The following SERPINB8 variants were observed in gnomAD, a reference collection of about 807,000 sequenced individuals.
SERPINB8 encodes serpin B8.
SERPINB8 carries 25 observed loss-of-function variants against 35.3 expected under a neutral mutation model. The observed-to-expected ratio is 0.71, with a 90% confidence interval of 0.52 to 0.99. The LOEUF (loss-of-function observed/expected upper bound fraction) is 0.99, where lower values mean the gene tolerates loss of function less well. Ranked by LOEUF, SERPINB8 falls within the 50% of genes least tolerant of loss-of-function variation. The pLI, the probability that SERPINB8 is intolerant of heterozygous loss-of-function variation, is 0.00. For synonymous variants in SERPINB8, 186 were observed against 160.8 expected, an observed-to-expected ratio of 1.16 and a Z score of -1.19; for missense variants, 484 against 446.5, an observed-to-expected ratio of 1.08 and a Z score of -0.76.
At chr18:64,004,619 A>C (rs140102354) in intron 1 of SERPINB8, among the ~76,000 whole-genome samples, 33 of 152,310 alleles carry the variant, frequency 2.2e-4, no homozygotes, top group Admixed American at 5.9e-4. Flanking sequence ...GTATATTTTA[A>C]TATTTCAGAA....
At chr18:63,999,124 GATCT>G (rs2050862963) in intron 1 of SERPINB8, among the ~76,000 whole-genome samples, 1 of 152,108 alleles carries the variant, frequency 6.6e-6, no homozygotes, top group African/African-American at 2.4e-5. Context: ...CAAGAAGTGG[GATCT>G]AACCTCTCTC....
At chr18:63,975,758 AAAATATCTTAGGAGGAAGCG>A (rs1330309792) in intron 1 of SERPINB8, among the ~76,000 whole-genome samples, 2 of 152,222 alleles carry the variant, frequency 1.3e-5, no homozygotes, top group African/African-American at 4.8e-5. Context: ...CTTCTGTTGA[AAAATATCTTAGGAGGAAGCG>A]AAATATCTTA....
At chr18:63,992,274 T>C (rs1474276430), downstream of SERPINB8, among the ~76,000 whole-genome samples, 1 of 152,256 alleles carries the variant, frequency 6.6e-6, no homozygotes, top group Non-Finnish European at 1.5e-5. Context: ...ATTGCAACTC[T>C]ATTTTCATTA....
chr18:64,015,340 G>A (rs1239645721), intron 7 of SERPINB8, among the ~76,000 whole-genome samples: 2 of 152,128 alleles, frequency 1.3e-5, no homozygotes, highest in East Asian at 1.9e-4. Flanking sequence ...TAACAATTCC[G>A]AAGTCACTAA....
At chr18:64,006,985 G>A (rs945047778), downstream of SERPINB8, among the ~76,000 whole-genome samples, 17 of 151,704 alleles carry the variant, frequency 1.1e-4, no homozygotes, top group African/African-American at 3.9e-4. Flanking sequence ...AATAAAAGAA[G>A]ATACTTATGA....
intron 1 of SERPINB8, among the ~76,000 whole-genome samples, chr18:63,996,574 T>A (rs1286696843): frequency 6.6e-6 from 1 of 152,210 alleles, no homozygotes; most frequent in African/African-American, 2.4e-5. Context: ...ATGAATAGGT[T>A]ATGCTCTGGG....
chr18:64,011,266 T>A (rs1446557418), intron 7 of SERPINB8, among the ~76,000 whole-genome samples: 1 of 151,950 alleles, frequency 6.6e-6, no homozygotes, highest in African/African-American at 2.4e-5. Flanking sequence ...ATGTATCAAG[T>A]AAATTTAAAC....
intron 7 of SERPINB8, among the ~76,000 whole-genome samples, chr18:64,011,620 G>T (rs1365143353): frequency 6.6e-6 from 1 of 152,110 alleles, no homozygotes; most frequent in East Asian, 1.9e-4. Context: ...TCATGTTGGT[G>T]CTGTATTTGT....
rs755147686 is a variant in SERPINB8 at position 63,970,148 on chromosome 18, G to GGCGGCA, written c.-31_-30insGGCAGC. On this transcript the variant is annotated 5_prime_UTR_variant, in exon 1 of 7. Transcript: ENST00000397985. ...AAGCAGCAGCGGCGGCGGCGGCGGCGGCAGCAGCAGCAGCAGCAGGAGGTG... is the reference window on the plus strand; with the variant it reads ...AAGCAGCAGCGGCGGCGGCGGCGGCGGCGGCAGCAGCAGCAGCAGCAGCAGGAGGTG... The GGCGGCA allele has an allele frequency of 2.0e-4, 73 of 358,784 alleles. No homozygotes were observed. Among genetic ancestry groups the GGCGGCA allele is most frequent in the African/African-American group, 1.2e-3 (54 of 44,848 alleles). The allele number at this position is 358,784 out of a possible 1,614,324, so 22.2% of individuals were successfully genotyped here. A position where few individuals can be genotyped will look rare whatever the true frequency, so the allele number is the denominator to read the frequency against.
chr18:64,009,683 C>T (rs905205627), downstream of SERPINB8, among the ~76,000 whole-genome samples: 6 of 152,258 alleles, frequency 3.9e-5, no homozygotes, highest in South Asian at 6.2e-4. Context: ...CCATTTATGC[C>T]GGAAGCTGCA....
chr18:63,971,891 T>C (rs889303059), intron 1 of SERPINB8, among the ~76,000 whole-genome samples: 5 of 152,082 alleles, frequency 3.3e-5, no homozygotes, highest in African/African-American at 1.2e-4. Context: ...ACACAAACCA[T>C]GCCCTTTGTC....
chr18:63,974,018 G>A (rs952086459), intron 1 of SERPINB8, among the ~76,000 whole-genome samples: 9 of 152,144 alleles, frequency 5.9e-5, no homozygotes, highest in African/African-American at 2.2e-4. Flanking sequence ...TTCCAATTCT[G>A]TGAAGAAAGT....
downstream of SERPINB8, among the ~76,000 whole-genome samples, chr18:63,990,520 T>A (rs1215496658): frequency 1.3e-5 from 2 of 152,346 alleles, no homozygotes; most frequent in Admixed American, 1.3e-4. Context: ...TTGCACACTT[T>A]ATTTTTTTAC....
At chr18:64,014,203 A>G (rs1379523747) in intron 7 of SERPINB8, among the ~76,000 whole-genome samples, 3 of 152,222 alleles carry the variant, frequency 2.0e-5, no homozygotes, top group Non-Finnish European at 4.4e-5. Flanking sequence ...TGTTAGAGAC[A>G]TATTTCAAGG....
chr18:64,010,126 C>CTGAA (rs1265776417), downstream of SERPINB8, among the ~76,000 whole-genome samples: 1 of 151,980 alleles, frequency 6.6e-6, no homozygotes, highest in African/African-American at 2.4e-5. Context: ...AGACAAAGAT[C>CTGAA]TGAACAGCTA....
intron 7 of SERPINB8, among the ~76,000 whole-genome samples, chr18:64,014,014 A>G (rs1463812071): frequency 6.6e-6 from 1 of 152,224 alleles, no homozygotes; most frequent in African/African-American, 2.4e-5. Flanking sequence ...TGAGTTCAGG[A>G]GAGAAACACT....
intron 1 of SERPINB8, among the ~76,000 whole-genome samples, chr18:64,000,536 C>A (rs922962248): frequency 6.6e-6 from 1 of 152,122 alleles, no homozygotes; most frequent in Non-Finnish European, 1.5e-5. Flanking sequence ...TTTGTGATCT[C>A]GGGAGGGAGG....
Position 63,986,199 on chromosome 18 carries a change from G to A in SERPINB8, c.721-675G>A, listed in dbSNP as rs1227854181. 2.6e-6 allele frequency: 4 copies of A among 1,512,572 alleles called. No homozygotes were observed. The African/African-American group carries it at 5.5e-5, about 21-fold the overall frequency. 93.7% of individuals were successfully genotyped at this position (1,512,572 alleles called of 1,614,324 possible). A position where few individuals can be genotyped will look rare whatever the true frequency, so the allele number is the denominator to read the frequency against. On this transcript the variant is annotated intron_variant, in intron 6 of 6. Transcript: ENST00000397985. ...CCTGGGCTCCAGTTGTTAAAGGGAA[G>A]GGGAGATGCTAGTGGAAGGCCTTTC... is the stretch of plus-strand genomic sequence containing the variant.
intron 1 of SERPINB8, among the ~76,000 whole-genome samples, chr18:63,997,051 A>G (rs912998779): frequency 1.3e-5 from 2 of 152,110 alleles, no homozygotes; most frequent in Non-Finnish European, 2.9e-5. Context: ...ACAGGTCTCA[A>G]CAACATTTCA....
Sources: gnomAD v4.1 joint callset for allele counts (sites outside exome capture counted in the v4.1 genomes callset) on GRCh38, gnomAD v4.1.1 for gene constraint, MANE v1.5 for transcripts, NCBI Gene and HGNC (gene_info 2026-07-23, HGNC 2026-07-21) for gene names.